The following HMCN1 variants were observed in gnomAD, a reference collection of about 807,000 sequenced individuals.
HMCN1 encodes hemicentin-1.
In HMCN1, 321 loss-of-function variants were observed where a neutral mutation model predicts 625.9. The observed-to-expected ratio is 0.51, with a 90% CI of 0.47 to 0.56. The LOEUF is 0.56. Among genes scored for constraint, HMCN1 ranks in the 20% least tolerant of loss-of-function variants. The probability of loss-of-function intolerance (pLI) is 0.00; values close to 1 mark genes in which losing one functional copy is unlikely to be tolerated. For synonymous variants in HMCN1, 2,425 were observed against 2,417.6 expected (o/e 1.00, Z -0.09); for missense variants, 6,588 against 6,887.3 (o/e 0.96, Z 1.54).
intron 24 of HMCN1, among the ~76,000 whole-genome samples, chr1:185,996,367 C>T (rs942894443): frequency 6.6e-6 from 1 of 152,068 alleles, no homozygotes; most frequent in Non-Finnish European, 1.5e-5. Flanking sequence ...GATCAGTCAT[C>T]AATCAGTGAA....
chr1:185,780,429 T>A (rs1380896395), intron 1 of HMCN1, among the ~76,000 whole-genome samples: 6 of 152,312 alleles, frequency 3.9e-5, no homozygotes, highest in South Asian at 4.2e-4. Flanking sequence ...TTGTGCCAGT[T>A]TTCAAAGGGA....
At chr1:185,892,908 G>A (rs1015699386) in intron 4 of HMCN1, among the ~76,000 whole-genome samples, 1 of 152,150 alleles carries the variant, frequency 6.6e-6, no homozygotes, top group Non-Finnish European at 1.5e-5. Flanking sequence ...CCCTCCCCCA[G>A]CCTCGCTGCC....
intron 72 of HMCN1, 102 bp downstream of exon 72, chr1:186,113,055 C>A: frequency 7.3e-7 from 1 of 1,372,402 alleles, no homozygotes; most frequent in Non-Finnish European, 1.0e-6. Context: ...AAGCCTTGTG[C>A]TTATCTTACT....
chr1:186,109,338 C>T (rs1469123153), intron 71 of HMCN1, among the ~76,000 whole-genome samples: 14 of 152,170 alleles, frequency 9.2e-5, no homozygotes. Flanking sequence ...AAACACCAAA[C>T]ATGGAGAGGC....
intron 30 of HMCN1, among the ~76,000 whole-genome samples, chr1:186,008,295 C>A (rs1236679145): frequency 6.6e-6 from 1 of 152,032 alleles, no homozygotes; most frequent in Non-Finnish European, 1.5e-5. Context: ...GGCTATTGAG[C>A]ACTTGAAATG....
intron 4 of HMCN1, among the ~76,000 whole-genome samples, chr1:185,893,822 C>T (rs1016633406): frequency 6.6e-6 from 1 of 152,094 alleles, no homozygotes; most frequent in Admixed American, 6.6e-5. Flanking sequence ...TGCACATAAG[C>T]ATACAGCTTA....
At position 186,130,553 on chromosome 1, in the gene HMCN1, A is replaced by G. The variant is rs1661876496; in HGVS notation, c.13086A>G (p.Pro4362=). Residue 4362 remains proline (P), a synonymous_variant, in exon 85 of 107, where the codon CCA becomes CCG. Coordinates refer to ENST00000271588, the MANE Select transcript of HMCN1 (RefSeq NM_031935.3). ...ATTATCCTTCTAACTGGATTGAACC[A>G]CTTGGTGGGAATGCAATCCTGAATT... ...KGDYPSNWIE[P]LGGNAILNCE... 1 of 1,613,576 alleles carries G rather than the reference A, an allele frequency of 6.2e-7. No homozygotes were observed. Among genetic ancestry groups the G allele is most frequent in the Non-Finnish European group, 8.5e-7 (1 of 1,179,618 alleles).
At chr1:186,022,770 A>T (rs1392941022) in intron 35 of HMCN1, among the ~76,000 whole-genome samples, 1 of 152,000 alleles carries the variant, frequency 6.6e-6, no homozygotes, top group African/African-American at 2.4e-5. Flanking sequence ...TTTATTCAGT[A>T]TGACTATACC....
chr1:186,017,156 T>C (rs1004714509), intron 33 of HMCN1, 85 bp downstream of exon 33: 6 of 776,434 alleles, frequency 7.7e-6, no homozygotes, highest in South Asian at 2.7e-5. Flanking sequence ...TTCTGTATCA[T>C]TAAAAAGGAT....
chr1:185,991,111 A>G (rs1004126030), intron 22 of HMCN1, among the ~76,000 whole-genome samples: 7 of 152,166 alleles, frequency 4.6e-5, no homozygotes, highest in African/African-American at 1.7e-4. Flanking sequence ...TTTCACATTC[A>G]CTGTCTCTAG....
intron 42 of HMCN1, among the ~76,000 whole-genome samples, chr1:186,050,186 G>T (rs1186517617): frequency 6.6e-6 from 1 of 151,660 alleles, no homozygotes; most frequent in African/African-American, 2.4e-5. Flanking sequence ...AGAGAAAAAA[G>T]AAAAATTAGG....
chr1:185,978,945 T>C (rs1248228599), intron 16 of HMCN1, among the ~76,000 whole-genome samples: 1 of 152,200 alleles, frequency 6.6e-6, no homozygotes, highest in African/African-American at 2.4e-5. Flanking sequence ...CTTCCCAAAG[T>C]ACTGGGATTG....
intron 40 of HMCN1, 98 bp downstream of exon 40, chr1:186,041,234 A>C: frequency 1.9e-6 from 2 of 1,040,092 alleles, no homozygotes; most frequent in Non-Finnish European, 3.0e-6. Flanking sequence ...ATAAAGAACA[A>C]TGAACCTTAG....
In HMCN1 at chr1:186,065,376, T is replaced by C. The variant is rs116300191; in HGVS notation, c.7652T>C (p.Leu2551Ser). Residue 2551 changes from leucine (L) to serine (S), a missense_variant, in exon 49 of 107, where the codon TTG (leucine) becomes TCG (serine). Leu to Ser is a moderately radical substitution (Grantham distance 145, BLOSUM62 -2). This residue lies in a region of HMCN1 where 4,628 missense variants were observed against 4,853.1 expected (regional missense o/e 0.95). Coordinates refer to ENST00000271588, the MANE Select transcript of HMCN1 (RefSeq NM_031935.3). ...QVPHTGRYTCLASSPAGHKSR... is the reference protein window; with the variant it reads ...QVPHTGRYTCSASSPAGHKSR... ...CCACACACTGGAAGATATACATGTT[T>C]GGCTTCCAGTCCAGCTGGCCACAAG... 7.7e-4 allele frequency: 1,248 copies of C among 1,611,270 alleles called. 8 individuals are homozygous for C. In the African/African-American group the frequency reaches 0.014, roughly 18 times the overall value.
chr1:185,989,715 C>G (rs1015972200), intron 21 of HMCN1, 68 bp downstream of exon 21: 1 of 1,457,772 alleles, frequency 6.9e-7, no homozygotes, highest in African/African-American at 1.4e-5. Flanking sequence ...CAGTTCTTTC[C>G]CCAATACTGT....
intron 5 of HMCN1, among the ~76,000 whole-genome samples, chr1:185,910,897 G>A (rs1158933253): frequency 6.6e-6 from 1 of 152,100 alleles, no homozygotes; most frequent in Non-Finnish European, 1.5e-5. Flanking sequence ...AACTGGAGAA[G>A]TAGTCCATGG....
intron 1 of HMCN1, among the ~76,000 whole-genome samples, chr1:185,749,226 C>G (rs550702458): frequency 6.6e-6 from 1 of 152,262 alleles, no homozygotes; most frequent in South Asian, 2.1e-4. Flanking sequence ...GGTGAAAGGA[C>G]TTAGTATAAT....
chr1:185,987,409 C>T (rs1267107191), intron 19 of HMCN1, 23 bp from the exon 20 acceptor site: 10 of 1,472,048 alleles, frequency 6.8e-6, no homozygotes, highest in South Asian at 2.3e-5. Flanking sequence ...TGCTCAGATT[C>T]CAAATCCTAC....
intron 36 of HMCN1, among the ~76,000 whole-genome samples, chr1:186,025,744 A>G (rs1395596455): frequency 8.5e-5 from 13 of 152,306 alleles, no homozygotes; most frequent in Admixed American, 6.5e-4. Context: ...ATCAAAGAGA[A>G]GGGGGCAGAC....
Sources: allele counts gnomAD v4.1 joint callset (sites outside exome capture counted in the v4.1 genomes callset), GRCh38; gene constraint gnomAD v4.1.1; regional missense constraint gnomAD v4.1.1; transcripts MANE v1.5; gene names NCBI Gene and HGNC (gene_info 2026-07-23, HGNC 2026-07-21).